The following DGKA variants were observed in gnomAD, a reference collection of about 807,000 sequenced individuals.
DGKA encodes the protein diacylglycerol kinase alpha, also known as 80 kDa diacylglycerol kinase.
DGKA carries 35 observed loss-of-function variants against 105.0 expected under a neutral mutation model. The ratio of observed to expected loss-of-function variants is 0.33; its 90% CI spans 0.25 to 0.44. DGKA has a LOEUF of 0.44. Among genes scored for constraint, DGKA ranks in the 20% least tolerant of loss-of-function variants. The probability of loss-of-function intolerance (pLI) is 1.00; values close to 1 mark genes in which losing one functional copy is unlikely to be tolerated. For missense variants in DGKA, 665 were observed against 915.0 expected, an observed-to-expected ratio of 0.73 and a Z score of 3.53; for synonymous variants, 296 against 332.0, an observed-to-expected ratio of 0.89 and a Z score of 1.18.
At chr12:55,927,948 G>T, upstream of DGKA, 1 of 670,566 alleles carries the variant, frequency 1.5e-6, no homozygotes, top group East Asian at 2.9e-5. Flanking sequence ...CTTCTGGGCG[G>T]ACCTACTTAG....
chr12:55,933,336 G>A (rs1884030715), intron 1 of DGKA, among the ~76,000 whole-genome samples: 1 of 152,182 alleles, frequency 6.6e-6, no homozygotes. Context: ...CCCCAATTGG[G>A]TAGGGGCGGG....
intron 9 of DGKA, 126 bp from the exon 10 acceptor site, chr12:55,939,956 C>G: frequency 1.2e-6 from 1 of 864,474 alleles, no homozygotes; most frequent in Admixed American, 2.0e-5. Context: ...GCACTTCACC[C>G]CGAACTTTTA....
At chr12:55,951,896 G>T in intron 18 of DGKA, 113 bp downstream of exon 18, 1 of 1,509,184 alleles carries the variant, frequency 6.6e-7, no homozygotes, top group Non-Finnish European at 9.1e-7. Flanking sequence ...CAGGGAAATT[G>T]GGAGTGCAGT....
At chr12:55,937,577 C>T in intron 4 of DGKA, 34 bp downstream of exon 4, 2 of 1,600,128 alleles carry the variant, frequency 1.2e-6, no homozygotes, top group Non-Finnish European at 1.7e-6. Flanking sequence ...GGCTAAGCCT[C>T]TGGCAGAAAA....
chr12:55,933,095 T>G (rs1883978310), intron 1 of DGKA, among the ~76,000 whole-genome samples: 1 of 152,220 alleles, frequency 6.6e-6, no homozygotes, highest in Admixed American at 6.5e-5. Context: ...TATTTATCTC[T>G]TGGTTAAAAT....
intron 13 of DGKA, 54 bp from the exon 14 acceptor site, chr12:55,941,198 T>C: frequency 6.4e-7 from 1 of 1,574,002 alleles, no homozygotes; most frequent in East Asian, 2.3e-5. Flanking sequence ...TGGGCCCACC[T>C]TAACTCTGAC....
chr12:55,929,399 C>G (rs1307214407), upstream of DGKA: 1 of 152,266 alleles, frequency 6.6e-6, no homozygotes, highest in Non-Finnish European at 1.5e-5. Context: ...GCTCAATAGA[C>G]CTTTGTGCAG....
chr12:55,948,490 G>A (rs1273083653), intron 17 of DGKA, among the ~76,000 whole-genome samples: 1 of 152,162 alleles, frequency 6.6e-6, no homozygotes, highest in Non-Finnish European at 1.5e-5. Context: ...CACTTTGGGA[G>A]GCCAAGGCTG....
chr12:55,935,995 GCC>G (rs1306088806), intron 1 of DGKA: 15 of 989,664 alleles, frequency 1.5e-5, no homozygotes, highest in African/African-American at 1.7e-5. Flanking sequence ...TGCCGGAACT[GCC>G]GAAGACCCGA....
At position 55,941,573 on chromosome 12, in the gene DGKA, T is replaced by C. The variant is rs751627525; in HGVS notation, c.1239T>C (p.Gly413=). 1.9e-6 allele frequency: 3 copies of C among 1,614,126 alleles called. No homozygotes were observed. In the South Asian group the frequency reaches 3.3e-5, roughly 18 times the overall value. The change falls in exon 15 of 24, where the codon GGT becomes GGC. Residue 413 remains glycine (G), a synonymous_variant. Transcript: ENST00000331886. ...AGGTGTTCAACCTCCTAAAGGATGG[T>C]CCTGAGATAGGGTGAGCACAGGTTA... ...PRQVFNLLKD[G]PEIGLRLFKD...
chr12:55,953,841 G>A lies in DGKA; in HGVS notation c.*73G>A. 1 of 1,352,762 alleles carries A rather than the reference G, an allele frequency of 7.4e-7. No individual in the cohort carries two copies. Among genetic ancestry groups the A allele is most frequent in the Non-Finnish European group, 1.1e-6 (1 of 951,288 alleles). 83.8% of individuals were successfully genotyped at this position (1,352,762 alleles called of 1,614,324 possible). A position where few individuals can be genotyped will look rare whatever the true frequency, so the allele number is the denominator to read the frequency against. The stretch of plus-strand genomic sequence containing the variant: ...CCCTGGACTCTACTCCCGAGGCTCT[G>A]TACATTGCTGCCACATACTCCTGCC... On this transcript the variant is annotated 3_prime_UTR_variant, in exon 24 of 24. Coordinates refer to ENST00000331886, the MANE Select transcript of DGKA (RefSeq NM_001345.5).
chr12:55,928,110 AT>A (rs961971013), upstream of DGKA: 5 of 298,110 alleles, frequency 1.7e-5, no homozygotes, highest in Non-Finnish European at 3.1e-5. Flanking sequence ...TCCGCCGCCC[AT>A]TTCAGCAACT....
Position 55,932,076 on chromosome 12 carries a change from G to C in DGKA, c.-82+732G>C. On this transcript the variant is annotated intron_variant, in intron 1 of 23. Coordinates refer to ENST00000331886, the MANE Select transcript of DGKA (RefSeq NM_001345.5). This position sits in a 1 kb window ranked among gnomAD's most constrained non-coding sequence, Gnocchi z 4.3. The stretch of plus-strand genomic sequence containing the variant: ...CCCCTCCAGCCCAGCTCGGGCTCCA[G>C]CTCCAGCGCCGGCGCTTCAGCTGCG... 6.1e-6 allele frequency: 1 copy of C among 163,848 alleles called. No individual in the cohort carries two copies. The highest frequency in any genetic ancestry group is 1.7e-4 in the East Asian group (1 of 5,728). The allele number at this position is 163,848 out of a possible 1,614,324, so 10.1% of individuals were successfully genotyped here.
Position 55,952,682 on chromosome 12 carries a change from T to G in DGKA, c.1744-52T>G. 5.5e-5 allele frequency: 88 copies of G among 1,590,008 alleles called. No homozygotes were observed. The highest frequency in any genetic ancestry group is 6.8e-5 in the Non-Finnish European group (79 of 1,159,122). ...AGCGATCACATCTATGATCATGCCA[T>G]GAGGTGAGGATCTGTACCCTCCCTA... On this transcript the variant is annotated intron_variant, in intron 20 of 23. Coordinates refer to ENST00000331886, the MANE Select transcript of DGKA (RefSeq NM_001345.5). This position sits in a 1 kb window ranked among gnomAD's most constrained non-coding sequence, Gnocchi z 5.1.
At chr12:55,941,079 T>G (rs1290413361) in intron 13 of DGKA, 99 bp downstream of exon 13, 5 of 1,406,504 alleles carry the variant, frequency 3.6e-6, no homozygotes, top group Non-Finnish European at 4.9e-6. Flanking sequence ...GGGGAGCGGT[T>G]GATGCTCACT....
At chr12:55,941,182 G>A (rs1238776844) in intron 13 of DGKA, 70 bp from the exon 14 acceptor site, 28 of 1,512,566 alleles carry the variant, frequency 1.9e-5, no homozygotes, top group Middle Eastern at 1.8e-4. Context: ...CTCTGCCCCT[G>A]TCTCCTGGGC....
At chr12:55,943,595 C>T (rs911123318) in intron 17 of DGKA, among the ~76,000 whole-genome samples, 1 of 152,068 alleles carries the variant, frequency 6.6e-6, no homozygotes, top group Non-Finnish European at 1.5e-5. Context: ...ATTCAAGCCA[C>T]TCAGGTATTT....
In DGKA at chr12:55,941,341, T is replaced by C. The variant is rs780788423; in HGVS notation, c.1175+16T>C. 9.9e-6 allele frequency: 16 copies of C among 1,611,716 alleles called. No individual in the cohort carries two copies. The highest frequency in any genetic ancestry group is 8.5e-7 in the Non-Finnish European group (1 of 1,178,364). ...AGGGGCAAAGGTGAGGAGAAATATA[T>C]TGGGTCTTCTAAGATGAGAGGCAGG... On this transcript the variant is annotated intron_variant, in intron 14 of 23. Transcript: ENST00000331886.
At chr12:55,937,618 T>G in intron 4 of DGKA, 75 bp downstream of exon 4, 1 of 1,557,188 alleles carries the variant, frequency 6.4e-7, no homozygotes, top group Non-Finnish European at 8.7e-7. Flanking sequence ...GGGTTGAGAA[T>G]TAACTTGAGT....
Sources: allele counts gnomAD v4.1 joint callset (sites outside exome capture counted in the v4.1 genomes callset), GRCh38; gene constraint gnomAD v4.1.1; non-coding constraint Gnocchi (gnomAD v3.1); transcripts MANE v1.5; gene names NCBI Gene and HGNC (gene_info 2026-07-23, HGNC 2026-07-21).